The following NAALADL2 variants were observed in gnomAD, a reference collection of about 807,000 sequenced individuals.
The protein encoded by NAALADL2 is N-acetylated alpha-linked acidic dipeptidase like 2.
A neutral mutation model predicts 87.2 loss-of-function variants in NAALADL2; 76 were observed. The observed-to-expected ratio is 0.87, with a 90% confidence interval of 0.72 to 1.05. The LOEUF (loss-of-function observed/expected upper bound fraction) is 1.05, where lower values mean the gene tolerates loss of function less well. NAALADL2 is among the 50% of genes least tolerant of loss of function. The pLI is 0.00. For synonymous variants in NAALADL2, 354 were observed against 331.0 expected (o/e 1.07, Z -0.75); for missense variants, 1,089 against 945.8 (o/e 1.15, Z -1.99).
chr3:174,527,514 C>T (rs948059377), intron 1 of NAALADL2, among the ~76,000 whole-genome samples: 7 of 142,916 alleles, frequency 4.9e-5, no homozygotes, highest in African/African-American at 1.6e-4. Context: ...AGTGAAACTC[C>T]ATCTCAAAAA....
At chr3:174,516,636 A>T (rs1312296129) in intron 1 of NAALADL2, among the ~76,000 whole-genome samples, 3 of 152,078 alleles carry the variant, frequency 2.0e-5, no homozygotes, top group Non-Finnish European at 4.4e-5. Flanking sequence ...GAAATTATTC[A>T]TTTAACAAAG....
intron 3 of NAALADL2, among the ~76,000 whole-genome samples, chr3:174,792,459 C>T (rs551437332): frequency 2.0e-5 from 3 of 152,284 alleles, no homozygotes; most frequent in South Asian, 2.1e-4. Context: ...TGTCTAATTT[C>T]AACACCAATG....
chr3:174,686,751 G>A (rs1335815459), intron 2 of NAALADL2, among the ~76,000 whole-genome samples: 1 of 152,018 alleles, frequency 6.6e-6, no homozygotes, highest in Non-Finnish European at 1.5e-5. Context: ...GCAAAAGACT[G>A]AAACTGGACC....
chr3:175,269,148 G>A (rs1244642014), intron 4 of NAALADL2, among the ~76,000 whole-genome samples: 1 of 151,554 alleles, frequency 6.6e-6, no homozygotes, highest in African/African-American at 2.4e-5. Context: ...CATGTTGACC[G>A]GGCTGGTCTT....
chr3:175,002,173 G>C (rs1025047650), intron 1 of NAALADL2, among the ~76,000 whole-genome samples: 1 of 151,978 alleles, frequency 6.6e-6, no homozygotes, highest in African/African-American at 2.4e-5. Flanking sequence ...CTTATTCCCT[G>C]CTCTATGTGT....
At chr3:175,749,225 G>T (rs1746323426) in intron 12 of NAALADL2, among the ~76,000 whole-genome samples, 1 of 104,018 alleles carries the variant, frequency 9.6e-6, no homozygotes, top group African/African-American at 3.7e-5. Flanking sequence ...GGGAGAGGGG[G>T]TAGGGGGAGG....
intron 5 of NAALADL2, among the ~76,000 whole-genome samples, chr3:175,412,780 A>G (rs1362552550): frequency 2.0e-5 from 3 of 151,566 alleles, no homozygotes; most frequent in African/African-American, 4.8e-5. Context: ...TTAAATTTCA[A>G]TAAACATCAG....
chr3:175,370,195 C>T (rs1312926245), intron 5 of NAALADL2, among the ~76,000 whole-genome samples: 1 of 152,068 alleles, frequency 6.6e-6, no homozygotes, highest in Non-Finnish European at 1.5e-5. Flanking sequence ...TGACTCTATG[C>T]ATTTCTCTGG....
chr3:175,449,179 A>G (rs1229245747), intron 6 of NAALADL2, among the ~76,000 whole-genome samples: 1 of 152,050 alleles, frequency 6.6e-6, no homozygotes. Flanking sequence ...CCTGGGCTCA[A>G]GTGATCCTCT....
At chr3:174,460,517 T>C (rs1005739235) in intron 1 of NAALADL2, among the ~76,000 whole-genome samples, 3 of 151,984 alleles carry the variant, frequency 2.0e-5, no homozygotes, top group Non-Finnish European at 4.4e-5. Flanking sequence ...TATAAAGAAA[T>C]AGAAAAACAA....
chr3:175,236,675 A>G (rs996333403), intron 3 of NAALADL2, among the ~76,000 whole-genome samples: 6 of 152,186 alleles, frequency 3.9e-5, no homozygotes, highest in African/African-American at 1.4e-4. Context: ...TGGTGGAGGG[A>G]AGAAAGTCAG....
chr3:175,001,061 G>T (rs1020869008), intron 1 of NAALADL2, among the ~76,000 whole-genome samples: 1 of 152,174 alleles, frequency 6.6e-6, no homozygotes, highest in Non-Finnish European at 1.5e-5. Context: ...TTGGAAGTGA[G>T]GGGTTTCCCA....
chr3:175,710,195 T>C (rs1015565305), intron 11 of NAALADL2, among the ~76,000 whole-genome samples: 5 of 151,918 alleles, frequency 3.3e-5, no homozygotes, highest in African/African-American at 1.2e-4. Context: ...AAGGTCTGTT[T>C]TTGAAATGAT....
chr3:174,765,182 A>G (rs1374919477), intron 3 of NAALADL2, among the ~76,000 whole-genome samples: 3 of 150,914 alleles, frequency 2.0e-5, no homozygotes, highest in Admixed American at 2.0e-4. Flanking sequence ...CAGAGAGAAC[A>G]AGAGACAGTG....
At chr3:174,987,864 G>A (rs1462713694) in intron 1 of NAALADL2, among the ~76,000 whole-genome samples, 1 of 142,340 alleles carries the variant, frequency 7.0e-6, no homozygotes, top group African/African-American at 2.9e-5. Context: ...TAAAGACAAG[G>A]TCTCTTTAGG....
intron 2 of NAALADL2, among the ~76,000 whole-genome samples, chr3:174,607,884 C>T (rs373278624): frequency 1.2e-3 from 180 of 151,964 alleles, no homozygotes; most frequent in Non-Finnish European, 2.2e-3. Flanking sequence ...CACCACACCA[C>T]ACCTATTCCA....
At chr3:174,567,047 A>T (rs576316271) in intron 2 of NAALADL2, among the ~76,000 whole-genome samples, 1 of 151,700 alleles carries the variant, frequency 6.6e-6, no homozygotes, top group Non-Finnish European at 1.5e-5. Flanking sequence ...TACTATGCAC[A>T]TAATGTCTTA....
chr3:174,985,662 A>T (rs1296803314), intron 1 of NAALADL2, among the ~76,000 whole-genome samples: 1 of 152,164 alleles, frequency 6.6e-6, no homozygotes, highest in Non-Finnish European at 1.5e-5. Flanking sequence ...TGAGTTCTTA[A>T]AAAGGGTAGG....
intron 3 of NAALADL2, among the ~76,000 whole-genome samples, chr3:174,831,394 A>G (rs1461618204): frequency 6.9e-6 from 1 of 143,942 alleles, no homozygotes; most frequent in Non-Finnish European, 1.5e-5. Flanking sequence ...GGTTCTGTTT[A>G]TACGCTGGAT....
Sources: allele counts gnomAD v4.1 joint callset (sites outside exome capture counted in the v4.1 genomes callset), GRCh38; gene constraint gnomAD v4.1.1; transcripts MANE v1.5; gene names NCBI Gene and HGNC (gene_info 2026-07-23, HGNC 2026-07-21).